CHRNE: variants seen among roughly 807,000 people sequenced by gnomAD.
The protein encoded by CHRNE is acetylcholine receptor subunit epsilon.
Under a neutral mutation model 56.5 loss-of-function variants are expected in CHRNE, and 58 were observed. The ratio of observed to expected loss-of-function variants is 1.03; its 90% CI spans 0.83 to 1.28. The LOEUF (loss-of-function observed/expected upper bound fraction) is 1.28, where lower values mean the gene tolerates loss of function less well. Among genes scored for constraint, CHRNE ranks in the 50% most tolerant of loss-of-function variants. The probability of loss-of-function intolerance (pLI) is 0.00; values close to 1 mark genes in which losing one functional copy is unlikely to be tolerated. For synonymous variants in CHRNE, 385 were observed against 297.9 expected (o/e 1.29, Z -3.01); for missense variants, 793 against 688.9 (o/e 1.15, Z -1.69).
chr17:4,899,732 C>G, intron 8 of CHRNE, 150 bp from the exon 9 acceptor site: 4 of 1,543,346 alleles, frequency 2.6e-6, no homozygotes, highest in South Asian at 1.2e-5. Flanking sequence ...CGTCCCCCAG[C>G]CCTTCTCCTG....
At chr17:4,900,957 G>A (rs751857871) in intron 7 of CHRNE, 33 bp downstream of exon 7, 11 of 1,613,864 alleles carry the variant, frequency 6.8e-6, no homozygotes, top group South Asian at 5.5e-5. Flanking sequence ...GAGCGAGCCC[G>A]GGTTTGGGGG....
At chr17:4,901,274 G>T in intron 6 of CHRNE, 84 bp from the exon 7 acceptor site, 1 of 1,471,670 alleles carries the variant, frequency 6.8e-7, no homozygotes, top group Non-Finnish European at 9.3e-7. Context: ...GGCTGCGGCT[G>T]TCTGCACCAG....
intron 11 of CHRNE, 34 bp downstream of exon 11, chr17:4,898,967 G>C (rs1308683028): frequency 1.6e-6 from 2 of 1,273,776 alleles, no homozygotes; most frequent in Non-Finnish European, 2.0e-6. Flanking sequence ...GTGGGCCTCT[G>C]CCTCGCTCCA....
At chr17:4,901,888 C>CCT in intron 5 of CHRNE, 44 bp downstream of exon 5, 3 of 1,597,948 alleles carry the variant, frequency 1.9e-6, no homozygotes, top group Non-Finnish European at 1.7e-6. Context: ...CATAAGGCCC[C>CCT]CCCCCAACAA....
upstream of CHRNE, among the ~76,000 whole-genome samples, chr17:4,907,942 C>T (rs7209390): frequency 0.096 from 14,622 of 151,920 alleles, 710 homozygotes; most frequent in African/African-American, 0.11. Flanking sequence ...TTTGGGAGGC[C>T]GAGGCGGGCG....
chr17:4,907,294 G>C (rs142542942), upstream of CHRNE, among the ~76,000 whole-genome samples: 4 of 151,986 alleles, frequency 2.6e-5, no homozygotes, highest in East Asian at 7.7e-4. Flanking sequence ...CCGGGCGCGG[G>C]GGCTCACGCC....
chr17:4,898,955 T>G, intron 11 of CHRNE, 46 bp downstream of exon 11: 1 of 1,558,394 alleles, frequency 6.4e-7, no homozygotes. Flanking sequence ...TGGGAGACAG[T>G]GGTGGGCCTC....
chr17:4,906,574 G>T (rs1970094857), upstream of CHRNE, among the ~76,000 whole-genome samples: 1 of 152,044 alleles, frequency 6.6e-6, no homozygotes, highest in Admixed American at 6.6e-5. Context: ...TGCCAAACAG[G>T]TATAAGAAAA....
upstream of CHRNE, among the ~76,000 whole-genome samples, chr17:4,907,819 A>G (rs559997030): frequency 1.3e-5 from 2 of 152,316 alleles, no homozygotes; most frequent in East Asian, 3.9e-4. Flanking sequence ...AGGCAGGTGG[A>G]TCACTTGAGA....
rs758084108 is a variant in CHRNE, at chr17:4,902,057, G to A, written c.375C>T (p.Asp125=). 2 of 1,614,072 alleles carry A rather than the reference G, an allele frequency of 1.2e-6. No individual in the cohort carries two copies. The highest frequency in any genetic ancestry group is 1.1e-5 in the South Asian group (1 of 91,088). ...CGCCCTCGTAGACGAGCACGTTGGCGTCGTAGGCCACTCCGAACTGGCCAT... is the reference window on the plus strand; with the variant it reads ...CGCCCTCGTAGACGAGCACGTTGGCATCGTAGGCCACTCCGAACTGGCCAT... ...NIDGQFGVAY[D]ANVLVYEGGS... The change falls in exon 5 of 12, where the codon GAC becomes GAT. Residue 125 remains aspartate, a synonymous_variant. Coordinates refer to ENST00000649488, the MANE Select transcript of CHRNE (RefSeq NM_000080.4). The surrounding 1 kb of genome is among the most constrained non-coding windows in gnomAD (Gnocchi z 4.0).
rs1351042997 is a variant in CHRNE at position 4,899,348 on chromosome 17, G to T, written c.1069C>A (p.Pro357Thr). 6.5e-7 allele frequency: 1 copy of T among 1,542,872 alleles called. No individual in the cohort carries two copies. Among genetic ancestry groups the T allele is most frequent in the East Asian group, 2.4e-5 (1 of 41,384 alleles). Residue 357 changes from proline (P) to threonine (T), a missense_variant, in exon 10 of 12, where the codon CCG becomes ACG. Coordinates refer to ENST00000649488, the MANE Select transcript of CHRNE (RefSeq NM_000080.4). ...LELLPRLLGS[P>T]PPPEAPRAAS... The stretch of plus-strand genomic sequence containing the variant: ...GCCCGGGGGGCCTCGGGCGGCGGCG[G>T]GGAGCCCAGGAGGCGCGGCAGCAGC...
At chr17:4,899,154 C>T (rs1200118844) in intron 10 of CHRNE, 44 bp downstream of exon 10, 2 of 1,594,578 alleles carry the variant, frequency 1.3e-6, no homozygotes, top group East Asian at 4.5e-5. Context: ...TCCCCCCTGG[C>T]AGGCACCCCG....
At position 4,902,566 on chromosome 17, in the gene CHRNE, C is replaced by A. The variant is rs973182797; in HGVS notation, c.189+55G>T. 1.9e-6 allele frequency: 3 copies of A among 1,613,956 alleles called. No individual in the cohort carries two copies. Among genetic ancestry groups the A allele is most frequent in the Non-Finnish European group, 2.5e-6 (3 of 1,179,914 alleles). ...AAGTGAGCTTTAGGACAGAGCTCAGCGGTTGGGGCCAGAAGTGGGATTTTT... is the reference window on the plus strand; with the variant it reads ...AAGTGAGCTTTAGGACAGAGCTCAGAGGTTGGGGCCAGAAGTGGGATTTTT... On this transcript the variant is annotated intron_variant, in intron 2 of 11. Coordinates refer to ENST00000649488, the MANE Select transcript of CHRNE (RefSeq NM_000080.4). This position sits in a 1 kb window ranked among gnomAD's most constrained non-coding sequence, Gnocchi z 4.0.
chr17:4,904,719 C>A (rs984722954), upstream of CHRNE, among the ~76,000 whole-genome samples: 3 of 152,168 alleles, frequency 2.0e-5, no homozygotes, highest in Admixed American at 1.3e-4. Context: ...GTTTATTTTA[C>A]CCTTCACAAA....
rs148624390 is a variant in CHRNE, at chr17:4,908,501, C to T, written c.-887-5738G>A. Among the ~76,000 whole-genome samples the T allele has an allele frequency of 5.5e-5, 8 of 146,354 alleles. No individual in the cohort carries two copies. The East Asian group carries it at 5.9e-4, about 11-fold the overall frequency. ...CCGTTCCTGCCAGCGCTGGGAGCAA[C>T]GCTCAGCCACCGTCTTTGTCTAGGT... On this transcript the variant is annotated intron_variant, in intron 1 of 10. Transcript: ENST00000649830.
intron 6 of CHRNE, 74 bp downstream of exon 6, chr17:4,901,451 G>T (rs1969981754): frequency 7.1e-7 from 1 of 1,413,158 alleles, no homozygotes; most frequent in South Asian, 1.2e-5. Flanking sequence ...TTGGTCCGGG[G>T]CAAGCCCACC....
upstream of CHRNE, among the ~76,000 whole-genome samples, chr17:4,906,711 A>T (rs570746701): frequency 2.6e-5 from 4 of 152,264 alleles, no homozygotes; most frequent in East Asian, 7.7e-4. Flanking sequence ...AAATTTTAAA[A>T]AACAGATGAA....
In CHRNE at chr17:4,901,305, G is replaced by A. The variant is rs1342022277; in HGVS notation, c.602-115C>T. The stretch of plus-strand genomic sequence containing the variant: ...ACCAGGGTCATGGGCCGTCAGGATG[G>A]GGGCAATTACGGACAGAAAAGGGCA... On this transcript the variant is annotated intron_variant, in intron 6 of 11. Transcript: ENST00000649488. The A allele has an allele frequency of 4.1e-6, 5 of 1,214,366 alleles. No homozygotes were observed. The Admixed American group carries it at 7.6e-5, about 18-fold the overall frequency. The allele number at this position is 1,214,366 out of a possible 1,614,324, so 75.2% of individuals were successfully genotyped here. A position where few individuals can be genotyped will look rare whatever the true frequency, so the allele number is the denominator to read the frequency against.
rs1969782478 is a variant in CHRNE at position 4,898,189 on chromosome 17, AGTGCTGGGCC to A, written c.*537_*546del. On this transcript the variant is annotated 3_prime_UTR_variant, in exon 12 of 12. Transcript: ENST00000649488. ...GTGAGCCTCATGGGGTGGGATGGGCAGTGCTGGGCCAAGAAAACCTAGAAGAAATGACTGT... is the reference window on the plus strand; with the variant it reads ...GTGAGCCTCATGGGGTGGGATGGGCAAAGAAAACCTAGAAGAAATGACTGT... 1.1e-5 allele frequency: 2 copies of A among 180,040 alleles called. No homozygotes were observed. The highest frequency in any genetic ancestry group is 4.7e-5 in the African/African-American group (2 of 42,162). 11.2% of individuals were successfully genotyped at this position (180,040 alleles called of 1,614,324 possible).
Sources: allele counts gnomAD v4.1 joint callset (sites outside exome capture counted in the v4.1 genomes callset), GRCh38; gene constraint gnomAD v4.1.1; non-coding constraint Gnocchi (gnomAD v3.1); transcripts MANE v1.5; gene names NCBI Gene and HGNC (gene_info 2026-07-23, HGNC 2026-07-21).